CAPS2: variants seen among roughly 807,000 people sequenced by gnomAD.
The protein encoded by CAPS2 is calcyphosine 2.
In CAPS2, 98 loss-of-function variants were observed where a neutral mutation model predicts 86.5. The ratio of observed to expected loss-of-function variants is 1.13; its 90% CI spans 0.96 to 1.34. The LOEUF is 1.34. CAPS2 is among the 40% of genes most tolerant of loss of function. CAPS2 has a pLI of 0.00. For synonymous variants in CAPS2, 210 were observed against 225.1 expected, an observed-to-expected ratio of 0.93 and a Z score of 0.60; for missense variants, 729 against 686.8, an observed-to-expected ratio of 1.06 and a Z score of -0.69.
At chr12:75,279,194 G>C in intron 16 of CAPS2, 129 bp from the exon 17 acceptor site, 1 of 865,292 alleles carries the variant, frequency 1.2e-6, no homozygotes. Context: ...CAAACTACCA[G>C]CCAATTTATT....
Position 75,310,769 on chromosome 12 carries a change from G to T in CAPS2, c.659+2079C>A, listed in dbSNP as rs529223487. Among the ~76,000 whole-genome samples, 22 of 152,096 alleles carry T rather than the reference G, an allele frequency of 1.4e-4. No homozygotes were observed. The South Asian group carries it at 4.6e-3, about 32-fold the overall frequency. ...ATTGGTTGGAAATCTGTTTATCTAG[G>T]ATGGTTTCAGCTAAGTAGCTCAGTG... is the stretch of plus-strand genomic sequence containing the variant. On this transcript the variant is annotated intron_variant, in intron 7 of 16. Coordinates refer to ENST00000393284, the Ensembl canonical transcript of CAPS2.
At chr12:75,322,992 C>T in exon 4 of CAPS2, 1 of 1,532,890 alleles carries the variant, frequency 6.5e-7, no homozygotes, top group Non-Finnish European at 8.8e-7. Context: ...TTAGATGATA[C>T]TGAGTATATG....
intron 7 of CAPS2, among the ~76,000 whole-genome samples, chr12:75,305,106 G>C (rs1255346395): frequency 6.6e-6 from 1 of 152,142 alleles, no homozygotes; most frequent in African/African-American, 2.4e-5. Context: ...TTCGGAGGGA[G>C]CTAAGAGCTC....
At chr12:75,372,875 T>C (rs1230763112) in intron 1 of CAPS2, among the ~76,000 whole-genome samples, 1 of 152,204 alleles carries the variant, frequency 6.6e-6, no homozygotes, top group Non-Finnish European at 1.5e-5. Context: ...CAATGTTGTG[T>C]AAAATACAAT....
chr12:75,301,396 T>C (rs1319353119), intron 8 of CAPS2, among the ~76,000 whole-genome samples: 1 of 152,218 alleles, frequency 6.6e-6, no homozygotes, highest in African/African-American at 2.4e-5. Flanking sequence ...TGTAACCATC[T>C]CAATTCAGTT....
rs115342541 is a variant in CAPS2 at position 75,286,888 on chromosome 12, G to A, written c.1396-1808C>T. Among the ~76,000 whole-genome samples the A allele has an allele frequency of 6.4e-3, 970 of 151,750 alleles. 14 individuals are homozygous for A. The highest frequency in any genetic ancestry group is 0.022 in the African/African-American group (928 of 41,444). ...ATAATATGTTCCCTCTATGTTAGAA[G>A]TCTTATATAATTACTGTAGTTTTTG... is the stretch of plus-strand genomic sequence containing the variant. On this transcript the variant is annotated intron_variant, in intron 14 of 16. Transcript: ENST00000393284.
In CAPS2 at chr12:75,321,442, AT is replaced by A; in HGVS notation, c.425del (p.Asn142MetfsTer12). On this transcript the variant is annotated frameshift_variant, in exon 5 of 17. Transcript: ENST00000393284. LOFTEE classifies it high-confidence loss of function. ...TTCTTGGAGACTGTTTATGTGTAAC[AT>A]TTGATTTTGTATTTTCTGCATTTCT... The A allele has an allele frequency of 6.5e-7, 1 of 1,548,232 alleles. No individual in the cohort carries two copies. Among genetic ancestry groups the A allele is most frequent in the Non-Finnish European group, 8.7e-7 (1 of 1,144,422 alleles).
chr12:75,338,587 G>T (rs971995070), intron 1 of CAPS2, among the ~76,000 whole-genome samples: 4 of 150,584 alleles, frequency 2.7e-5, no homozygotes, highest in Admixed American at 2.0e-4. Flanking sequence ...GCATGGAAAA[G>T]TTATTTTTTT....
At chr12:75,357,198 T>C (rs2043211202) in intron 1 of CAPS2, among the ~76,000 whole-genome samples, 1 of 152,042 alleles carries the variant, frequency 6.6e-6, no homozygotes, top group South Asian at 2.1e-4. Context: ...GCTAAATAAA[T>C]AAATAAATGC....
At chr12:75,334,936 C>G, upstream of CAPS2, 1 of 1,577,470 alleles carries the variant, frequency 6.3e-7, no homozygotes, top group Non-Finnish European at 8.7e-7. Context: ...TCTTAAATCC[C>G]TGACTCATCC....
chr12:75,381,246 C>T (rs971981218), intron 1 of CAPS2, among the ~76,000 whole-genome samples: 2 of 152,278 alleles, frequency 1.3e-5, no homozygotes, highest in East Asian at 3.9e-4. Context: ...TCTCTCTTGT[C>T]GCCGCCATGT....
intron 1 of CAPS2, among the ~76,000 whole-genome samples, chr12:75,352,590 TG>T (rs145785697): frequency 0.022 from 3,327 of 152,312 alleles, 42 homozygotes; most frequent in Non-Finnish European, 0.035. Context: ...ATTAGCCAGA[TG>T]ACAGAGACAG....
In CAPS2 at chr12:75,324,512, C is replaced by T. The variant is rs12099919; in HGVS notation, c.131+727G>A. 5.9e-3 allele frequency among the ~76,000 whole-genome samples: 903 copies of T among 152,172 alleles called. 14 individuals are homozygous for T. The highest frequency in any genetic ancestry group is 0.021 in the African/African-American group (856 of 41,548). ...TTTTCTCTGCACACAACTGACACAG[C>T]CATTGTTACTTACTCGATATCTTGG... On this transcript the variant is annotated intron_variant, in intron 2 of 16. Transcript: ENST00000393284.
At chr12:75,293,272 A>G (rs1446851041) in exon 12 of CAPS2, 1 of 1,607,656 alleles carries the variant, frequency 6.2e-7, no homozygotes, top group Admixed American at 1.7e-5. Flanking sequence ...AAGCTATTTG[A>G]TCAATATTTG....
chr12:75,293,014 CT>C lies in CAPS2; in HGVS notation c.1163+234del, dbSNP rs541848042. ...TAGCAAAGGCAAATTAATAAGGTAT[CT>C]TTAACATAAAATTGAATATTTTCAA... On this transcript the variant is annotated intron_variant, in intron 12 of 16. Transcript: ENST00000393284. 7.9e-5 allele frequency among the ~76,000 whole-genome samples: 12 copies of C among 151,954 alleles called. No homozygotes were observed. In the East Asian group the frequency reaches 2.3e-3, roughly 29 times the overall value.
At chr12:75,344,732 A>G (rs532222823) in intron 1 of CAPS2, among the ~76,000 whole-genome samples, 56 of 152,250 alleles carry the variant, frequency 3.7e-4, no homozygotes, top group African/African-American at 1.3e-3. Context: ...TCTGTATACT[A>G]TAAATATTCT....
At chr12:75,374,850 T>A (rs932421620) in intron 1 of CAPS2, among the ~76,000 whole-genome samples, 1 of 152,208 alleles carries the variant, frequency 6.6e-6, no homozygotes, top group African/African-American at 2.4e-5. Context: ...GCTTGAGCTA[T>A]GAAACCACAC....
At chr12:75,305,053 C>T (rs902246557) in intron 7 of CAPS2, 177 bp from the exon 8 acceptor site, 5 of 461,420 alleles carry the variant, frequency 1.1e-5, no homozygotes, top group African/African-American at 6.2e-5. Flanking sequence ...GTAAATATTC[C>T]TATCTCTTTT....
intron 8 of CAPS2, among the ~76,000 whole-genome samples, chr12:75,302,338 A>C (rs2037921685): frequency 6.6e-6 from 1 of 152,260 alleles, no homozygotes; most frequent in Non-Finnish European, 1.5e-5. Context: ...CACAGGGAAC[A>C]GATGATACTG....
Sources: allele counts gnomAD v4.1 joint callset (sites outside exome capture counted in the v4.1 genomes callset), GRCh38; gene constraint gnomAD v4.1.1; transcripts MANE v1.5; gene names NCBI Gene and HGNC (gene_info 2026-07-23, HGNC 2026-07-21).